Variants in GFM1 observed in about 807,000 individuals in gnomAD.
GFM1 encodes G elongation factor mitochondrial 1.
A neutral mutation model predicts 96.2 loss-of-function variants in GFM1; 62 were observed. The observed-to-expected ratio is 0.64, with a 90% CI of 0.53 to 0.80. The LOEUF (loss-of-function observed/expected upper bound fraction) is 0.80, where lower values mean the gene tolerates loss of function less well. GFM1 is among the 30% of genes least tolerant of loss of function. The probability of loss-of-function intolerance (pLI) is 0.00; values close to 1 mark genes in which losing one functional copy is unlikely to be tolerated. For synonymous variants in GFM1, 282 were observed against 312.9 expected (o/e 0.90, Z 1.04); for missense variants, 852 against 916.6 (o/e 0.93, Z 0.91).
chr3:158,682,190 A>G, intron 14 of GFM1, 33 bp downstream of exon 14: 1 of 1,558,808 alleles, frequency 6.4e-7, no homozygotes, highest in Non-Finnish European at 8.8e-7. Flanking sequence ...TTGCATTTTT[A>G]CTTACTAAAA....
chr3:158,690,734 T>C (rs762499043), intron 16 of GFM1: 1 of 331,340 alleles, frequency 3.0e-6, no homozygotes, highest in African/African-American at 2.2e-5. Flanking sequence ...GGAGAAGGTG[T>C]TTATTACATT....
At chr3:158,659,440 C>T (rs774531358) in intron 9 of GFM1, among the ~76,000 whole-genome samples, 2 of 152,194 alleles carry the variant, frequency 1.3e-5, no homozygotes, top group Admixed American at 6.5e-5. Context: ...TAAATTTACA[C>T]AGTTTTCCAC....
chr3:158,675,155 C>T (rs1009474442), intron 13 of GFM1, among the ~76,000 whole-genome samples: 1 of 151,330 alleles, frequency 6.6e-6, no homozygotes, highest in Non-Finnish European at 1.5e-5. Flanking sequence ...GGCGTGGCGG[C>T]GGGCGCCTGT....
chr3:158,684,929 GT>G (rs1725712293), intron 15 of GFM1: 1 of 375,240 alleles, frequency 2.7e-6, no homozygotes. Context: ...TAATTTATAA[GT>G]TCTGTTTTTA....
At chr3:158,668,599 T>C (rs1723950918) in intron 13 of GFM1, among the ~76,000 whole-genome samples, 1 of 152,242 alleles carries the variant, frequency 6.6e-6, no homozygotes, top group Non-Finnish European at 1.5e-5. Context: ...ACCGTGATGC[T>C]TTTTGAAAGT....
In GFM1 at chr3:158,684,607, C is replaced by A. The variant is rs750829262; in HGVS notation, c.1848C>A (p.His616Gln). 7 of 1,613,978 alleles carry A rather than the reference C, an allele frequency of 4.3e-6. No homozygotes were observed. The Middle Eastern group carries it at 8.2e-4, about 190-fold the overall frequency. ...GGTTTGTCCTGCAAGATGGAGCACACCACATGGTTGATTCTAATGAAATCT... is the reference window on the plus strand; with the variant it reads ...GGTTTGTCCTGCAAGATGGAGCACAACACATGGTTGATTCTAATGAAATCT... The part of the protein sequence containing the change: ...GLRFVLQDGA[H>Q]HMVDSNEISF... Residue 616 changes from histidine (H) to glutamine (Q), a missense_variant, in exon 15 of 18, where the codon CAC becomes CAA. Transcript: ENST00000486715.
chr3:158,690,051 C>T (rs777038888), intron 15 of GFM1, 112 bp from the exon 16 acceptor site: 13 of 891,350 alleles, frequency 1.5e-5, no homozygotes, highest in South Asian at 4.2e-5. Flanking sequence ...TTAACCTTGC[C>T]GTTTGTGTTT....
At chr3:158,648,934 C>T (rs948809227) in intron 4 of GFM1, 107 bp from the exon 5 acceptor site, 18 of 722,246 alleles carry the variant, frequency 2.5e-5, no homozygotes, top group South Asian at 7.0e-5. Context: ...TAACACCCTT[C>T]TCAGTTCTCC....
At chr3:158,674,219 T>C (rs1724669546) in intron 13 of GFM1, among the ~76,000 whole-genome samples, 1 of 151,958 alleles carries the variant, frequency 6.6e-6, no homozygotes, top group Non-Finnish European at 1.5e-5. Context: ...TATCTGGGAC[T>C]ACAGGTGCAC....
chr3:158,646,430 C>A, intron 3 of GFM1, 133 bp downstream of exon 3: 2 of 987,974 alleles, frequency 2.0e-6, no homozygotes, highest in Non-Finnish European at 3.1e-6. Context: ...TTAAAGAAGA[C>A]TAACTTAGGA....
chr3:158,645,501 G>A (rs958976996), intron 1 of GFM1, 128 bp from the exon 2 acceptor site: 22 of 785,172 alleles, frequency 2.8e-5, no homozygotes, highest in Non-Finnish European at 4.0e-5. Context: ...TTCCCCTGGT[G>A]CCTTTCTCAA....
At chr3:158,684,179 C>A (rs1576789802) in intron 14 of GFM1, among the ~76,000 whole-genome samples, 1 of 151,950 alleles carries the variant, frequency 6.6e-6, no homozygotes, top group Non-Finnish European at 1.5e-5. Context: ...TAGAGGGGAA[C>A]AACACACACT....
chr3:158,677,953 G>T (rs1725041193), intron 13 of GFM1, among the ~76,000 whole-genome samples: 1 of 152,234 alleles, frequency 6.6e-6, no homozygotes, highest in Non-Finnish European at 1.5e-5. Flanking sequence ...TGCAGCTGGT[G>T]ACTAAGTTTG....
At chr3:158,654,066 A>T (rs576351135) in intron 7 of GFM1, among the ~76,000 whole-genome samples, 10 of 151,858 alleles carry the variant, frequency 6.6e-5, no homozygotes, top group Middle Eastern at 3.4e-3. Context: ...ACAGAATAAG[A>T]TTCCAAAAAA....
At chr3:158,648,309 T>G (rs1442032572) in intron 4 of GFM1, among the ~76,000 whole-genome samples, 2 of 152,036 alleles carry the variant, frequency 1.3e-5, no homozygotes, top group Admixed American at 1.3e-4. Context: ...GAGTCTAGAG[T>G]CTAGACTAAA....
At position 158,692,881 on chromosome 3, in the gene GFM1, T is replaced by G. The variant is rs777007464; in HGVS notation, c.*1414T>G. Among the ~76,000 whole-genome samples the G allele has an allele frequency of 2.6e-5, 4 of 151,950 alleles. No homozygotes were observed. The South Asian group carries it at 6.2e-4, about 24-fold the overall frequency. The stretch of plus-strand genomic sequence containing the variant: ...TAATTTTTTGCATTTTTTGAAGAGA[T>G]AGGGTTTTGCCATATTGCCCAGGCT... On this transcript the variant is annotated 3_prime_UTR_variant, in exon 18 of 18. Transcript: ENST00000486715.
At chr3:158,670,135 A>G (rs1724138627) in intron 13 of GFM1, among the ~76,000 whole-genome samples, 1 of 152,222 alleles carries the variant, frequency 6.6e-6, no homozygotes, top group Non-Finnish European at 1.5e-5. Flanking sequence ...TATGCTCAAC[A>G]GAAAGGCAAG....
chr3:158,660,563 A>C (rs888265333), intron 9 of GFM1: 1 of 352,616 alleles, frequency 2.8e-6, no homozygotes, highest in Non-Finnish European at 5.4e-6. Flanking sequence ...ATGCCTTTTA[A>C]TTCCATAGAA....
chr3:158,650,486 C>G (rs1349801033), intron 5 of GFM1: 1 of 174,268 alleles, frequency 5.7e-6, no homozygotes, highest in Non-Finnish European at 1.3e-5. Flanking sequence ...TGTACATGTC[C>G]CCTTCCCCAG....
Sources: gnomAD v4.1 joint callset for allele counts (sites outside exome capture counted in the v4.1 genomes callset) on GRCh38, gnomAD v4.1.1 for gene constraint, MANE v1.5 for transcripts, NCBI Gene and HGNC (gene_info 2026-07-23, HGNC 2026-07-21) for gene names.